The following SMPD3 variants were observed in gnomAD, a reference collection of about 807,000 sequenced individuals.
SMPD3 encodes the protein nSMase-2.
Under a neutral mutation model 55.7 loss-of-function variants are expected in SMPD3, and 21 were observed. The observed-to-expected ratio is 0.38, with a 90% CI of 0.27 to 0.54. The LOEUF is 0.54. SMPD3 is among the 20% of genes least tolerant of loss of function. The pLI, the probability that SMPD3 is intolerant of heterozygous loss-of-function variation, is 0.80. For missense variants in SMPD3, 842 were observed against 899.6 expected (o/e 0.94, Z 0.82); for synonymous variants, 457 against 404.3 (o/e 1.13, Z -1.56).
chr16:68,367,581 A>G (rs2151978133), intron 3 of SMPD3: 1 of 152,260 alleles, frequency 6.6e-6, no homozygotes, highest in Non-Finnish European at 1.5e-5. Flanking sequence ...TGTGTCCCGG[A>G]CAGGGTTGGA....
chr16:68,428,855 CCA>C (rs2090458153), intron 1 of SMPD3, among the ~76,000 whole-genome samples: 1 of 152,074 alleles, frequency 6.6e-6, no homozygotes, highest in African/African-American at 2.4e-5. Flanking sequence ...TGCAGAGAGC[CCA>C]GAGGAGACCA....
At chr16:68,376,935 G>T (rs1292082636) in intron 2 of SMPD3, among the ~76,000 whole-genome samples, 1 of 152,156 alleles carries the variant, frequency 6.6e-6, no homozygotes, top group Non-Finnish European at 1.5e-5. Flanking sequence ...AAGGAACCAG[G>T]CTAGAGACCT....
At chr16:68,378,605 CG>C (rs1660071614) in intron 2 of SMPD3, among the ~76,000 whole-genome samples, 1 of 151,854 alleles carries the variant, frequency 6.6e-6, no homozygotes, top group Non-Finnish European at 1.5e-5. Flanking sequence ...TAATCAGGCA[CG>C]TGTCTGTTTG....
chr16:68,366,682 A>G (rs564422552), intron 3 of SMPD3, among the ~76,000 whole-genome samples: 1 of 152,324 alleles, frequency 6.6e-6, no homozygotes, highest in East Asian at 1.9e-4. Context: ...CCTGGCCAAC[A>G]TGATGAAACC....
rs148982256 is a variant in SMPD3, at chr16:68,399,092, G to A, written c.-268-12433C>T. On this transcript the variant is annotated intron_variant, in intron 1 of 8. Transcript: ENST00000219334. ...CTGAACAAAGAGAGCAAATCCTCCC[G>A]GCCTCCTCAGGCCCGCCCAGCCTCT... 4.6e-5 allele frequency among the ~76,000 whole-genome samples: 7 copies of A among 152,208 alleles called. No homozygotes were observed. In the East Asian group the frequency reaches 9.6e-4, roughly 21 times the overall value.
chr16:68,422,999 G>T (rs1033158346), intron 1 of SMPD3, among the ~76,000 whole-genome samples: 2 of 152,148 alleles, frequency 1.3e-5, no homozygotes, highest in East Asian at 1.9e-4. Flanking sequence ...AGTTCTCAGC[G>T]GGGGCTTCAC....
At chr16:68,375,571 C>T (rs1023924633) in intron 2 of SMPD3, among the ~76,000 whole-genome samples, 2 of 152,212 alleles carry the variant, frequency 1.3e-5, no homozygotes, top group African/African-American at 4.8e-5. Flanking sequence ...ACTGGCCCAT[C>T]AGGGCTGGGA....
At chr16:68,438,653 T>G (rs1241591433) in intron 1 of SMPD3, among the ~76,000 whole-genome samples, 2 of 152,182 alleles carry the variant, frequency 1.3e-5, no homozygotes, top group African/African-American at 4.8e-5. Context: ...CCATTGTCAT[T>G]CCTACCCCTG....
chr16:68,375,153 C>T lies in SMPD3; in HGVS notation c.-206-2766G>A, dbSNP rs1168625261. ...TTGCCCTCAGCCTCAGCCACAGCCC[C>T]AAGCCCACCACCAGTGTGCAGCGGG... On this transcript the variant is annotated intron_variant, in intron 2 of 8. Transcript: ENST00000219334. 3.3e-5 allele frequency among the ~76,000 whole-genome samples: 5 copies of T among 152,270 alleles called. No homozygotes were observed. The East Asian group carries it at 7.7e-4, about 24-fold the overall frequency.
intron 1 of SMPD3, among the ~76,000 whole-genome samples, chr16:68,435,538 G>T (rs2090516498): frequency 6.6e-6 from 1 of 151,938 alleles, no homozygotes; most frequent in South Asian, 2.1e-4. Flanking sequence ...ACACAGAGGT[G>T]CCAGTTCTGC....
chr16:68,438,573 T>C (rs1223302551), intron 1 of SMPD3, among the ~76,000 whole-genome samples: 2 of 152,272 alleles, frequency 1.3e-5, no homozygotes, highest in East Asian at 3.9e-4. Context: ...ATTCAAGGCT[T>C]TCTCAACTCT....
intron 2 of SMPD3, among the ~76,000 whole-genome samples, chr16:68,377,004 CCT>C (rs1157234441): frequency 6.6e-6 from 1 of 152,150 alleles, no homozygotes; most frequent in African/African-American, 2.4e-5. Context: ...CCACTCCTCC[CCT>C]GAGGGTCAGC....
chr16:68,389,875 G>A (rs1197045746), intron 1 of SMPD3, among the ~76,000 whole-genome samples: 1 of 152,202 alleles, frequency 6.6e-6, no homozygotes, highest in East Asian at 1.9e-4. Flanking sequence ...AAAGGGTTCT[G>A]GGACCTTGCA....
Position 68,372,407 on chromosome 16 carries a change from G to A in SMPD3, c.-206-20C>T. On this transcript the variant is annotated intron_variant, in intron 2 of 8. Transcript: ENST00000219334. ...CAGACCCTGCAGAGACAAAAGTAGG[G>A]GGACTGTTTTTAGTGATCTTCAGGG... The A allele has an allele frequency of 1.7e-6, 1 of 601,386 alleles. No individual in the cohort carries two copies. The highest frequency in any genetic ancestry group is 2.9e-6 in the Non-Finnish European group (1 of 341,724). The allele number at this position is 601,386 out of a possible 1,614,324, so 37.3% of individuals were successfully genotyped here.
At position 68,447,585 on chromosome 16, in the gene SMPD3, G is replaced by C. The variant is rs558931970; in HGVS notation, c.-269+768C>G. ...ACACCCAGGCCACCCAACCCTCGGC[G>C]CGGGCCCGAGCGCGGGGGATTCCGA... On this transcript the variant is annotated intron_variant, in intron 1 of 8. Coordinates refer to ENST00000219334, the MANE Select transcript of SMPD3 (RefSeq NM_018667.4). This position sits in a 1 kb window ranked among gnomAD's most constrained non-coding sequence, Gnocchi z 5.1. Among the ~76,000 whole-genome samples, 1 of 151,958 alleles carries C rather than the reference G, an allele frequency of 6.6e-6. No individual in the cohort carries two copies. The highest frequency in any genetic ancestry group is 2.4e-5 in the African/African-American group (1 of 41,462).
At chr16:68,402,309 C>T (rs912149778) in intron 1 of SMPD3, among the ~76,000 whole-genome samples, 2 of 152,160 alleles carry the variant, frequency 1.3e-5, no homozygotes, top group Non-Finnish European at 2.9e-5. Flanking sequence ...AGGAAGGGGG[C>T]TGCATCTGGG....
chr16:68,406,816 G>A (rs762502093), intron 1 of SMPD3, among the ~76,000 whole-genome samples: 19 of 152,174 alleles, frequency 1.2e-4, no homozygotes, highest in Non-Finnish European at 2.2e-4. Flanking sequence ...TTCAGGGGGC[G>A]GAAGCTCACC....
At chr16:68,400,356 C>A (rs995135992) in intron 1 of SMPD3, among the ~76,000 whole-genome samples, 1 of 152,190 alleles carries the variant, frequency 6.6e-6, no homozygotes, top group African/African-American at 2.4e-5. Context: ...TAATTTTAAA[C>A]GATAATTATG....
At chr16:68,366,320 C>G (rs1287474158) in intron 3 of SMPD3, among the ~76,000 whole-genome samples, 1 of 152,142 alleles carries the variant, frequency 6.6e-6, no homozygotes, top group Non-Finnish European at 1.5e-5. Context: ...ACGTCCTCAG[C>G]AGCAGGTGCC....
Sources: gnomAD v4.1 joint callset for allele counts (sites outside exome capture counted in the v4.1 genomes callset) on GRCh38, gnomAD v4.1.1 for gene constraint, Gnocchi (gnomAD v3.1) non-coding constraint, MANE v1.5 for transcripts, NCBI Gene and HGNC (gene_info 2026-07-23, HGNC 2026-07-21) for gene names.